The following ZNF678 variants were observed in gnomAD, a reference collection of about 807,000 sequenced individuals.
The protein encoded by ZNF678 is zinc finger protein 678, also known as hypothetical protein MGC42493.
In ZNF678, 5 loss-of-function variants were observed where a neutral mutation model predicts 3.0. The observed-to-expected ratio is 1.69, with a 90% CI of 0.88 to 3.56. ZNF678 has a LOEUF of 3.56. Ranked by LOEUF, ZNF678 falls within the 30% of genes most tolerant of loss-of-function variation. ZNF678 has a pLI of 0.00. For synonymous variants in ZNF678, 218 were observed against 199.6 expected (o/e 1.09, Z -0.78); for missense variants, 593 against 605.0 (o/e 0.98, Z 0.21).
chr1:227,590,451 A>G (rs1657382237), intron 1 of ZNF678, among the ~76,000 whole-genome samples: 1 of 151,818 alleles, frequency 6.6e-6, no homozygotes, highest in African/African-American at 2.4e-5. Flanking sequence ...TCTCCAAGAC[A>G]GCAACTACAT....
chr1:227,585,507 G>C (rs1432694823), intron 1 of ZNF678, among the ~76,000 whole-genome samples: 1 of 152,186 alleles, frequency 6.6e-6, no homozygotes, highest in East Asian at 1.9e-4. Flanking sequence ...GGGCACGGTG[G>C]CACACACCTG....
intron 1 of ZNF678, among the ~76,000 whole-genome samples, chr1:227,627,118 C>T (rs1358686800): frequency 6.6e-6 from 1 of 150,604 alleles, no homozygotes; most frequent in East Asian, 1.9e-4. Flanking sequence ...TTCTTTGGCA[C>T]ACTTCACAGG....
chr1:227,616,877 T>C (rs1440904223), intron 1 of ZNF678, among the ~76,000 whole-genome samples: 1 of 152,170 alleles, frequency 6.6e-6, no homozygotes, highest in Non-Finnish European at 1.5e-5. Context: ...AAAGTGGTTT[T>C]GCTGAATGAC....
At chr1:227,575,494 T>C (rs1043907187) in intron 1 of ZNF678, among the ~76,000 whole-genome samples, 1 of 152,184 alleles carries the variant, frequency 6.6e-6, no homozygotes, top group Non-Finnish European at 1.5e-5. Flanking sequence ...ATGTTACTCT[T>C]TTTTGTGGCA....
chr1:227,563,666 C>A lies in ZNF678; in HGVS notation c.-222C>A, dbSNP rs1207317222. ...CTGCAGTGTCTGGTTTCCCTGTGAC[C>A]TGCAGGTACTGGGAGTTACATAGCT... On this transcript the variant is annotated 5_prime_UTR_variant, in exon 1 of 4. In the 5' UTR this introduces an upstream ATG that the reference lacks. Transcript: ENST00000343776. 1.5e-6 allele frequency: 2 copies of A among 1,326,828 alleles called. No homozygotes were observed. Among genetic ancestry groups the A allele is most frequent in the African/African-American group, 3.0e-5 (2 of 66,872 alleles). 82.2% of individuals were successfully genotyped at this position (1,326,828 alleles called of 1,614,324 possible). A position where few individuals can be genotyped will look rare whatever the true frequency, so the allele number is the denominator to read the frequency against.
chr1:227,618,524 G>T (rs748655625), intron 1 of ZNF678, among the ~76,000 whole-genome samples: 1 of 152,196 alleles, frequency 6.6e-6, no homozygotes, highest in Non-Finnish European at 1.5e-5. Context: ...AGGCTCCTCT[G>T]TGCCTGATCT....
At chr1:227,568,441 G>A (rs1656754116) in intron 1 of ZNF678, among the ~76,000 whole-genome samples, 1 of 152,070 alleles carries the variant, frequency 6.6e-6, no homozygotes, top group Non-Finnish European at 1.5e-5. Context: ...GTCAAAATGA[G>A]AAGAGTGTTT....
At chr1:227,586,459 TCAAC>T (rs752818943) in intron 1 of ZNF678, among the ~76,000 whole-genome samples, 6 of 152,034 alleles carry the variant, frequency 3.9e-5, no homozygotes, top group Non-Finnish European at 7.4e-5. Flanking sequence ...TTTAAAAAAG[TCAAC>T]CAAATAGAAA....
chr1:227,588,974 C>A (rs1657337662), intron 1 of ZNF678, among the ~76,000 whole-genome samples: 7 of 151,792 alleles, frequency 4.6e-5, no homozygotes. Flanking sequence ...GTCCTTTGCC[C>A]ACTTTTTAAT....
At position 227,654,525 on chromosome 1, in the gene ZNF678, C is replaced by T; in HGVS notation, c.275C>T (p.Thr92Ile). 1 of 1,613,304 alleles carries T rather than the reference C, an allele frequency of 6.2e-7. No homozygotes were observed. Residue 92 changes from threonine to isoleucine, a missense_variant, in exon 4 of 4, where the codon ACT becomes ATT. By Grantham distance (89) the Thr-to-Ile change is moderately conservative. Transcript: ENST00000343776. ...AATAGACTTACTCAATGTTCATCAA[C>T]TAAAAGCAAAATCTTTCAATGTATT... ...YCNRLTQCSS[T>I]KSKIFQCIEC...
intron 1 of ZNF678, among the ~76,000 whole-genome samples, chr1:227,593,313 A>T (rs1013040046): frequency 6.6e-6 from 1 of 152,236 alleles, no homozygotes. Flanking sequence ...GCATCTTGGT[A>T]TCCTGTCTTT....
intron 1 of ZNF678, among the ~76,000 whole-genome samples, chr1:227,612,017 A>T (rs1658033467): frequency 6.6e-6 from 1 of 152,088 alleles, no homozygotes; most frequent in African/African-American, 2.4e-5. Flanking sequence ...ATGCCAGAAG[A>T]TGATCGACAA....
intron 1 of ZNF678, among the ~76,000 whole-genome samples, chr1:227,568,531 C>T (rs778726552): frequency 2.0e-5 from 3 of 152,232 alleles, no homozygotes; most frequent in Non-Finnish European, 2.9e-5. Context: ...ATTGCCTACG[C>T]ACCCAATCTT....
At chr1:227,593,333 G>A (rs1657467678) in intron 1 of ZNF678, among the ~76,000 whole-genome samples, 1 of 152,216 alleles carries the variant, frequency 6.6e-6, no homozygotes, top group Non-Finnish European at 1.5e-5. Flanking sequence ...TATTGCTAAA[G>A]TTTGTTTTAA....
chr1:227,595,938 C>T (rs563384877), intron 1 of ZNF678, among the ~76,000 whole-genome samples: 6 of 152,292 alleles, frequency 3.9e-5, no homozygotes, highest in African/African-American at 9.6e-5. Context: ...GATAAAGGCA[C>T]GCTGTGGGTG....
chr1:227,594,752 C>G (rs532329292), intron 1 of ZNF678, among the ~76,000 whole-genome samples: 1 of 152,258 alleles, frequency 6.6e-6, no homozygotes, highest in South Asian at 2.1e-4. Flanking sequence ...AACTTTCTGA[C>G]TTATTACAAA....
At chr1:227,608,639 T>C (rs1180634704) in intron 1 of ZNF678, among the ~76,000 whole-genome samples, 1 of 152,188 alleles carries the variant, frequency 6.6e-6, no homozygotes, top group Non-Finnish European at 1.5e-5. Flanking sequence ...AAAATATCTA[T>C]CTGAAATATT....
Position 227,629,911 on chromosome 1 carries a change from C to T in ZNF678, c.-163-16633C>T, listed in dbSNP as rs554827067. On this transcript the variant is annotated intron_variant, in intron 1 of 3. Coordinates refer to ENST00000343776, the MANE Select transcript of ZNF678 (RefSeq NM_001367909.1). ...TCCCTTTTCCAGAGCCACCAAAGTC[C>T]ACTTGCCTGAGGGCCATGACTAAAG... Among the ~76,000 whole-genome samples, 60 of 152,044 alleles carry T rather than the reference C, an allele frequency of 3.9e-4. No homozygotes were observed. The East Asian group carries it at 4.8e-3, about 12-fold the overall frequency.
chr1:227,582,796 G>A (rs12565653), intron 1 of ZNF678, among the ~76,000 whole-genome samples: 2,544 of 152,218 alleles, frequency 0.017, 60 homozygotes, highest in South Asian at 0.057. Context: ...GTGTGTGTGT[G>A]TGAATGTCTA....
Sources: allele counts gnomAD v4.1 joint callset (sites outside exome capture counted in the v4.1 genomes callset), GRCh38; gene constraint gnomAD v4.1.1; transcripts MANE v1.5; gene names NCBI Gene and HGNC (gene_info 2026-07-23, HGNC 2026-07-21).